Variants in MCTP1 observed in about 807,000 individuals in gnomAD.
MCTP1 encodes multiple C2 and transmembrane domain containing 1, also known as multiple C2 and transmembrane domain-containing protein 1.
In MCTP1, 69 loss-of-function variants were observed where a neutral mutation model predicts 120.6. That is an observed-to-expected ratio of 0.57 (90% CI 0.47 to 0.70). The LOEUF (loss-of-function observed/expected upper bound fraction) is 0.70. Ranked by LOEUF, MCTP1 falls within the 30% of genes least tolerant of loss-of-function variation. The pLI, the probability that MCTP1 is intolerant of heterozygous loss-of-function variation, is 0.00. For synonymous variants in MCTP1, 529 were observed against 493.1 expected (o/e 1.07, Z -0.96); for missense variants, 1,203 against 1,248.8 (o/e 0.96, Z 0.55).
intron 12 of MCTP1, among the ~76,000 whole-genome samples, chr5:94,878,686 T>G (rs935749055): frequency 2.0e-5 from 3 of 151,986 alleles, no homozygotes; most frequent in African/African-American, 7.2e-5. Flanking sequence ...ATTTATTGAG[T>G]GCTTATTATG....
At chr5:95,278,631 G>A (rs934120110) in intron 1 of MCTP1, among the ~76,000 whole-genome samples, 3 of 152,108 alleles carry the variant, frequency 2.0e-5, no homozygotes, top group African/African-American at 7.2e-5. Context: ...TTTTCCGGTA[G>A]CAAAAAGAAA....
At chr5:95,210,025 T>C (rs1377309742) in intron 1 of MCTP1, among the ~76,000 whole-genome samples, 1 of 152,206 alleles carries the variant, frequency 6.6e-6, no homozygotes, top group East Asian at 1.9e-4. Context: ...GATTGCACTG[T>C]GGTCTGAGAG....
At chr5:94,813,027 A>G (rs1472731539) in intron 17 of MCTP1, among the ~76,000 whole-genome samples, 1 of 152,176 alleles carries the variant, frequency 6.6e-6, no homozygotes, top group Non-Finnish European at 1.5e-5. Flanking sequence ...GACACCATTA[A>G]GAAAATGAAA....
At chr5:95,013,268 C>G (rs1836390223) in intron 2 of MCTP1, among the ~76,000 whole-genome samples, 1 of 152,062 alleles carries the variant, frequency 6.6e-6, no homozygotes, top group African/African-American at 2.4e-5. Context: ...AGGAAAGAAG[C>G]CATCTCTATG....
chr5:95,281,140 T>C (rs1383948243), intron 1 of MCTP1, among the ~76,000 whole-genome samples: 1 of 152,256 alleles, frequency 6.6e-6, no homozygotes, highest in Non-Finnish European at 1.5e-5. Context: ...GTTTCTTTCT[T>C]GAGTACTGTG....
intron 1 of MCTP1, among the ~76,000 whole-genome samples, chr5:95,224,864 C>T (rs550149204): frequency 6.6e-6 from 1 of 152,210 alleles, no homozygotes; most frequent in East Asian, 1.9e-4. Flanking sequence ...AACAGCTACT[C>T]AATTCAAGTG....
intron 2 of MCTP1, among the ~76,000 whole-genome samples, chr5:94,957,460 G>T (rs1470104833): frequency 1.3e-5 from 2 of 151,956 alleles, no homozygotes; most frequent in African/African-American, 4.8e-5. Context: ...CAATTAAAAG[G>T]CACAGACTAG....
At chr5:95,234,157 T>G (rs772500909) in intron 1 of MCTP1, among the ~76,000 whole-genome samples, 1 of 152,192 alleles carries the variant, frequency 6.6e-6, no homozygotes, top group Non-Finnish European at 1.5e-5. Flanking sequence ...CAAACAAATC[T>G]TGGGAGTTAA....
At chr5:94,906,201 G>A (rs556416445) in intron 10 of MCTP1, among the ~76,000 whole-genome samples, 4 of 152,204 alleles carry the variant, frequency 2.6e-5, no homozygotes, top group African/African-American at 9.6e-5. Context: ...AATGGAAGTG[G>A]GGGCTGGGCG....
chr5:94,902,269 C>T (rs371779035), intron 10 of MCTP1, among the ~76,000 whole-genome samples: 1 of 152,274 alleles, frequency 6.6e-6, no homozygotes, highest in South Asian at 2.1e-4. Context: ...CCTACTTGAG[C>T]TCTATGTCAG....
At position 95,011,230 on chromosome 5, in the gene MCTP1, TTGA is replaced by T. The variant is rs1268740782; in HGVS notation, c.838+6134_838+6136del. ...TGTACACATATAATTTTAGCATCTA[TTGA>T]TGATATTTTGCCTACTATTGTTACT... On this transcript the variant is annotated intron_variant, in intron 2 of 22. Coordinates refer to ENST00000515393, the MANE Select transcript of MCTP1 (RefSeq NM_024717.7). 2.0e-5 allele frequency among the ~76,000 whole-genome samples: 3 copies of T among 152,148 alleles called. No homozygotes were observed. The East Asian group carries it at 5.8e-4, about 29-fold the overall frequency.
Position 94,747,961 on chromosome 5 carries a change from G to A in MCTP1, c.2610+31149C>T, listed in dbSNP as rs142773715. Among the ~76,000 whole-genome samples the A allele has an allele frequency of 3.7e-3, 568 of 152,146 alleles. 11 individuals carry two copies. Among genetic ancestry groups the A allele is most frequent in the Admixed American group, 0.022 (339 of 15,276 alleles). ...TAAAAATTGCTCGGCGTAGTGGCGC[G>A]CGCCTGTAATCCCAGGTACTTGGGA... On this transcript the variant is annotated intron_variant, in intron 19 of 22. Coordinates refer to ENST00000515393, the MANE Select transcript of MCTP1 (RefSeq NM_024717.7).
intron 2 of MCTP1, among the ~76,000 whole-genome samples, chr5:94,999,227 C>A (rs563550978): frequency 6.6e-6 from 1 of 152,280 alleles, no homozygotes; most frequent in East Asian, 1.9e-4. Context: ...ATGCTTATTT[C>A]ATGAAGGAAC....
At chr5:95,213,848 T>A (rs2152572030) in intron 1 of MCTP1, among the ~76,000 whole-genome samples, 1 of 152,372 alleles carries the variant, frequency 6.6e-6, no homozygotes, top group South Asian at 2.1e-4. Flanking sequence ...CCTTACACCT[T>A]ATACAAAAAT....
Position 94,942,477 on chromosome 5 carries a change from C to G in MCTP1, c.982-50G>C, listed in dbSNP as rs1000416339. On this transcript the variant is annotated intron_variant, in intron 3 of 22. Transcript: ENST00000515393. ...TTGTTATAAATATCTCCAATATAAGCTTTATGTGATAATGTCTTGGTCATA... is the reference window on the plus strand; with the variant it reads ...TTGTTATAAATATCTCCAATATAAGGTTTATGTGATAATGTCTTGGTCATA... 3.1e-6 allele frequency: 4 copies of G among 1,298,982 alleles called. No individual in the cohort carries two copies. In the African/African-American group the frequency reaches 5.8e-5, roughly 19 times the overall value. 80.5% of individuals were successfully genotyped at this position (1,298,982 alleles called of 1,614,324 possible).
chr5:95,185,060 T>C (rs1749051238), intron 1 of MCTP1, among the ~76,000 whole-genome samples: 1 of 152,198 alleles, frequency 6.6e-6, no homozygotes, highest in Non-Finnish European at 1.5e-5. Context: ...TTACTCTTTT[T>C]CCATTACAGT....
At chr5:94,899,100 T>C (rs532163541) in intron 10 of MCTP1, among the ~76,000 whole-genome samples, 13 of 152,336 alleles carry the variant, frequency 8.5e-5, no homozygotes, top group Non-Finnish European at 1.6e-4. Context: ...TCAAATTGTA[T>C]TGCAAAGAGC....
chr5:94,903,460 A>G (rs965376519), intron 10 of MCTP1, among the ~76,000 whole-genome samples: 1 of 152,252 alleles, frequency 6.6e-6, no homozygotes, highest in African/African-American at 2.4e-5. Flanking sequence ...ATTTGTGTTC[A>G]TCTAAACAGT....
chr5:95,060,004 A>G (rs1334693359), intron 1 of MCTP1, among the ~76,000 whole-genome samples: 4 of 152,214 alleles, frequency 2.6e-5, no homozygotes, highest in Non-Finnish European at 4.4e-5. Context: ...CTCAGCCCCA[A>G]GGGTCTTTGG....
Sources: allele counts gnomAD v4.1 joint callset (sites outside exome capture counted in the v4.1 genomes callset), GRCh38; gene constraint gnomAD v4.1.1; transcripts MANE v1.5; gene names NCBI Gene and HGNC (gene_info 2026-07-23, HGNC 2026-07-21).